Variants in ASIC2 observed in about 807,000 individuals in gnomAD.
ASIC2 encodes the protein acid-sensing ion channel 2.
ASIC2 carries 25 observed loss-of-function variants against 57.3 expected under a neutral mutation model. The observed-to-expected ratio is 0.44, with a 90% confidence interval of 0.32 to 0.61. The LOEUF is 0.61. ASIC2 is among the 20% of genes least tolerant of loss of function. The probability of loss-of-function intolerance (pLI) is 0.06; values close to 1 mark genes in which losing one functional copy is unlikely to be tolerated. For missense variants in ASIC2, 641 were observed against 738.1 expected, an observed-to-expected ratio of 0.87 and a Z score of 1.52; for synonymous variants, 319 against 307.5, an observed-to-expected ratio of 1.04 and a Z score of -0.39.
chr17:33,323,617 G>A (rs575964619), intron 1 of ASIC2, among the ~76,000 whole-genome samples: 1 of 152,312 alleles, frequency 6.6e-6, no homozygotes, highest in Non-Finnish European at 1.5e-5. Context: ...GGGAGGCTGA[G>A]GCAGGAGAAT....
At chr17:33,156,690 AG>A (rs1905014123) in intron 1 of ASIC2, among the ~76,000 whole-genome samples, 1 of 151,950 alleles carries the variant, frequency 6.6e-6, no homozygotes, top group Admixed American at 6.6e-5. Flanking sequence ...CAGGAGGCGG[AG>A]GTTGCAGTGA....
chr17:33,291,816 C>A lies in ASIC2; in HGVS notation c.300G>T (p.Leu100=). The A allele has an allele frequency of 1.2e-6, 2 of 1,612,790 alleles. No homozygotes were observed. The highest frequency in any genetic ancestry group is 1.7e-6 in the Non-Finnish European group (2 of 1,179,810). ...VLAFCTSFGL[L]LSWSSNRLLY... ...GCAAGCGGTTCGAGGACCAGGACAG[C>A]AGCAAGCCGAAGGATGTACAGAAGG... The change falls in exon 1 of 10, where the codon CTG becomes CTT. Residue 100 remains leucine, a synonymous_variant. Coordinates refer to ENST00000225823, the MANE Select transcript of ASIC2 (RefSeq NM_183377.2).
At chr17:33,523,512 A>C (rs143704009) in intron 1 of ASIC2, among the ~76,000 whole-genome samples, 8 of 152,026 alleles carry the variant, frequency 5.3e-5, no homozygotes, top group Non-Finnish European at 1.0e-4. Context: ...ACCCACCGGG[A>C]CTCCCAAAGT....
At chr17:33,452,085 T>C (rs938038591) in intron 1 of ASIC2, among the ~76,000 whole-genome samples, 10 of 152,230 alleles carry the variant, frequency 6.6e-5, no homozygotes, top group Admixed American at 5.9e-4. Context: ...AAACTTGGAA[T>C]ACCAAGTTAG....
At chr17:33,918,862 C>T (rs776919463) in intron 1 of ASIC2, among the ~76,000 whole-genome samples, 5 of 152,162 alleles carry the variant, frequency 3.3e-5, no homozygotes, top group Non-Finnish European at 5.9e-5. Flanking sequence ...GTCATGCATG[C>T]GGAAGAAACT....
intron 1 of ASIC2, among the ~76,000 whole-genome samples, chr17:34,108,097 A>G (rs998340854): frequency 2.0e-5 from 3 of 152,150 alleles, no homozygotes; most frequent in Non-Finnish European, 4.4e-5. Flanking sequence ...TTTACTTATA[A>G]ACATCTCTTT....
chr17:33,765,302 G>A (rs536119851), intron 1 of ASIC2, among the ~76,000 whole-genome samples: 34 of 152,144 alleles, frequency 2.2e-4, no homozygotes, highest in Middle Eastern at 3.4e-3. Flanking sequence ...TAGAGACGGG[G>A]TTTCACCGTA....
intron 1 of ASIC2, among the ~76,000 whole-genome samples, chr17:33,510,045 G>C (rs1005270460): frequency 6.6e-6 from 1 of 152,226 alleles, no homozygotes; most frequent in African/African-American, 2.4e-5. Flanking sequence ...TAGTAGCTGT[G>C]GGGTAGCACA....
intron 1 of ASIC2, among the ~76,000 whole-genome samples, chr17:33,267,029 G>A (rs1909489489): frequency 6.6e-6 from 1 of 152,146 alleles, no homozygotes; most frequent in Admixed American, 6.5e-5. Flanking sequence ...AATTTTAGGG[G>A]TAATCAGTTG....
intron 1 of ASIC2, among the ~76,000 whole-genome samples, chr17:33,812,868 G>T (rs986293842): frequency 3.3e-5 from 5 of 152,188 alleles, no homozygotes; most frequent in Non-Finnish European, 7.4e-5. Flanking sequence ...CCTCTCACTG[G>T]GTGTGGGTCT....
At chr17:33,741,143 ACTGC>A (rs1442072711) in intron 1 of ASIC2, among the ~76,000 whole-genome samples, 90 of 152,300 alleles carry the variant, frequency 5.9e-4, no homozygotes, top group South Asian at 3.1e-3. Flanking sequence ...ACAGAGAGTG[ACTGC>A]CCAGGGTCTT....
intron 1 of ASIC2, among the ~76,000 whole-genome samples, chr17:34,119,630 CACACACACACAA>C (rs1168724584): frequency 2.0e-4 from 17 of 83,790 alleles, no homozygotes; most frequent in Admixed American, 5.2e-4. Context: ...CACACACACA[CACACACACACAA>C]ACACACACAC....
intron 1 of ASIC2, among the ~76,000 whole-genome samples, chr17:33,381,442 T>C (rs1909485316): frequency 6.6e-6 from 1 of 152,244 alleles, no homozygotes; most frequent in Admixed American, 6.5e-5. Context: ...GCAGGCTTCC[T>C]TCACATAGCC....
intron 1 of ASIC2, among the ~76,000 whole-genome samples, chr17:33,924,689 T>C (rs1386363943): frequency 6.6e-6 from 1 of 152,174 alleles, no homozygotes; most frequent in African/African-American, 2.4e-5. Context: ...AATCCGGGCA[T>C]TGTGGACAGC....
chr17:33,983,309 G>T (rs191440460), intron 1 of ASIC2, among the ~76,000 whole-genome samples: 27 of 152,288 alleles, frequency 1.8e-4, no homozygotes, highest in African/African-American at 6.0e-4. Context: ...TCCTAATTAT[G>T]TCTTGGCAAG....
chr17:33,082,828 C>G (rs7212793), intron 3 of ASIC2, among the ~76,000 whole-genome samples: 15,719 of 152,120 alleles, frequency 0.1, 1,731 homozygotes, highest in African/African-American at 0.28. Context: ...CATGAATATC[C>G]CAGCTTTGCA....
rs139098512 is a variant in ASIC2, at chr17:33,476,775, G to A, written c.556-364708C>T. On this transcript the variant is annotated intron_variant, in intron 1 of 9. Coordinates refer to the ASIC2 transcript ENST00000359872. The stretch of plus-strand genomic sequence containing the variant: ...TGGCAGACCAATCTAATTTTCTCCC[G>A]AAGGACTGTGCACAGAAACTGTGCA... 1.2e-3 allele frequency among the ~76,000 whole-genome samples: 189 copies of A among 152,034 alleles called. 4 individuals carry two copies. In the East Asian group the frequency reaches 0.034, roughly 28 times the overall value.
chr17:34,037,558 C>T (rs886248540), intron 1 of ASIC2: 21 of 1,389,320 alleles, frequency 1.5e-5, no homozygotes, highest in East Asian at 2.3e-5. Context: ...GTTCCAAACC[C>T]GCTGCTGAAC....
chr17:34,078,635 G>A (rs763152946), intron 1 of ASIC2, among the ~76,000 whole-genome samples: 2 of 152,148 alleles, frequency 1.3e-5, no homozygotes, highest in Non-Finnish European at 2.9e-5. Context: ...AGAAACATGG[G>A]GATGGGGCTG....
Sources: gnomAD v4.1 joint callset for allele counts (sites outside exome capture counted in the v4.1 genomes callset) on GRCh38, gnomAD v4.1.1 for gene constraint, MANE v1.5 for transcripts, NCBI Gene and HGNC (gene_info 2026-07-23, HGNC 2026-07-21) for gene names.